The following SIPA1L3 variants were observed in gnomAD, a reference collection of about 807,000 sequenced individuals.
SIPA1L3 encodes the protein signal induced proliferation associated 1 like 3.
A neutral mutation model predicts 150.1 loss-of-function variants in SIPA1L3; 59 were observed. That is an observed-to-expected ratio of 0.39 (90% CI 0.32 to 0.49). The LOEUF (loss-of-function observed/expected upper bound fraction) is 0.49, where lower values mean the gene tolerates loss of function less well. SIPA1L3 is among the 20% of genes least tolerant of loss of function. The pLI is 0.86. For synonymous variants in SIPA1L3, 1,070 were observed against 1,077.6 expected, an observed-to-expected ratio of 0.99 and a Z score of 0.14; for missense variants, 2,211 against 2,489.5, an observed-to-expected ratio of 0.89 and a Z score of 2.38.
intron 1 of SIPA1L3, among the ~76,000 whole-genome samples, chr19:37,948,789 A>G (rs2046735921): frequency 6.6e-6 from 1 of 152,108 alleles, no homozygotes; most frequent in Admixed American, 6.5e-5. Context: ...GAGGGAGGCT[A>G]CTGTTTTATT....
chr19:38,040,236 C>T (rs186389225), intron 2 of SIPA1L3, among the ~76,000 whole-genome samples: 6 of 152,298 alleles, frequency 3.9e-5, no homozygotes, highest in Admixed American at 6.5e-5. Context: ...GTCATCTACA[C>T]GTATTTCCAG....
chr19:38,203,224 G>A (rs766889487), intron 20 of SIPA1L3, among the ~76,000 whole-genome samples: 1 of 152,210 alleles, frequency 6.6e-6, no homozygotes, highest in Non-Finnish European at 1.5e-5. Flanking sequence ...CTGAGGGGCA[G>A]GAGCAGCATG....
At position 38,162,317 on chromosome 19, in the gene SIPA1L3, G is replaced by T; in HGVS notation, c.3726G>T (p.Lys1242Asn). Reference sequence around the variant, plus strand: ...CCATAGCCGGAAGCAGCGGGAACAAGCACCCGTCCAGGCAGGATGCAGCAG... The same window carrying T: ...CCATAGCCGGAAGCAGCGGGAACAATCACCCGTCCAGGCAGGATGCAGCAG... ...LSAIAGSSGN[K>N]HPSRQDAAGK... Residue 1242 changes from lysine (K) to asparagine (N), a missense_variant, in exon 14 of 22, where the codon AAG becomes AAT. Around this residue, in one of 5 missense-constraint regions of SIPA1L3, gnomAD observed 806 missense variants for 870.1 expected, o/e 0.93. Coordinates refer to ENST00000222345, the MANE Select transcript of SIPA1L3 (RefSeq NM_015073.3). The T allele has an allele frequency of 6.2e-7, 1 of 1,614,244 alleles. No individual in the cohort carries two copies. The highest frequency in any genetic ancestry group is 1.1e-5 in the South Asian group (1 of 91,092).
In SIPA1L3 at chr19:38,196,768, G is replaced by A. The variant is rs112158345; in HGVS notation, c.4841-1621G>A. The stretch of plus-strand genomic sequence containing the variant: ...AGGCCGAGGGGGGAGCCAGGAGGCC[G>A]AGGGGGGAGCAAGGAGGCTGAGGGA... On this transcript the variant is annotated intron_variant, in intron 18 of 21. Transcript: ENST00000222345. Among the ~76,000 whole-genome samples the A allele has an allele frequency of 4.6e-4, 69 of 150,688 alleles. 1 individual carries two copies. In the East Asian group the frequency reaches 0.01, roughly 22 times the overall value.
chr19:37,914,735 G>C (rs945794224), intron 1 of SIPA1L3, among the ~76,000 whole-genome samples: 6 of 152,104 alleles, frequency 3.9e-5, no homozygotes, highest in East Asian at 3.9e-4. Context: ...GAACTTCTGG[G>C]CTCAGGTGAT....
At chr19:38,160,649 G>T (rs985554001) in intron 13 of SIPA1L3, among the ~76,000 whole-genome samples, 2 of 146,430 alleles carry the variant, frequency 1.4e-5, no homozygotes, top group Non-Finnish European at 3.0e-5. Context: ...TGCTCTGCCC[G>T]CCTCGGCCTC....
At chr19:38,113,627 A>C (rs959741181) in intron 8 of SIPA1L3, among the ~76,000 whole-genome samples, 22 of 151,938 alleles carry the variant, frequency 1.4e-4, no homozygotes, top group African/African-American at 4.8e-4. Context: ...ACCAAAAAAA[A>C]CGGAAAAACA....
At chr19:38,166,771 CT>C (rs1259791793) in intron 15 of SIPA1L3, among the ~76,000 whole-genome samples, 1 of 152,106 alleles carries the variant, frequency 6.6e-6, no homozygotes, top group Non-Finnish European at 1.5e-5. Context: ...GGCTCAGAAC[CT>C]GGTTGGCGCA....
At chr19:38,121,492 G>A (rs184686128) in intron 9 of SIPA1L3, among the ~76,000 whole-genome samples, 152 of 148,836 alleles carry the variant, frequency 1.0e-3, no homozygotes, top group African/African-American at 3.7e-3. Flanking sequence ...TGTAATCCCA[G>A]CACTTTGGGA....
intron 15 of SIPA1L3, among the ~76,000 whole-genome samples, chr19:38,167,970 C>A (rs78514904): frequency 0.019 from 2,881 of 152,236 alleles, 62 homozygotes; most frequent in East Asian, 0.082. Flanking sequence ...TTTGCTCGGT[C>A]CCAGACACTG....
chr19:38,197,878 C>T (rs1972997049), intron 18 of SIPA1L3, among the ~76,000 whole-genome samples: 1 of 149,180 alleles, frequency 6.7e-6, no homozygotes, highest in Non-Finnish European at 1.5e-5. Context: ...CCAAATCCCC[C>T]CCCAAACACA....
chr19:37,917,484 C>A lies in SIPA1L3; in HGVS notation c.-379+10126C>A, dbSNP rs142065343. 1.1e-4 allele frequency among the ~76,000 whole-genome samples: 17 copies of A among 152,258 alleles called. No individual in the cohort carries two copies. In the East Asian group the frequency reaches 3.3e-3, roughly 29 times the overall value. On this transcript the variant is annotated intron_variant, in intron 1 of 21. Coordinates refer to ENST00000222345, the MANE Select transcript of SIPA1L3 (RefSeq NM_015073.3). ...AGTGTTGGTGGGTGTTGCCTGTGTT[C>A]GGAGGTGCCAGGGACTACAGTTATT...
intron 1 of SIPA1L3, among the ~76,000 whole-genome samples, chr19:37,950,147 TG>T (rs2046750398): frequency 6.6e-6 from 1 of 151,020 alleles, no homozygotes; most frequent in Non-Finnish European, 1.5e-5. Flanking sequence ...ACTTGCTAGC[TG>T]TGTGACCTTG....
At chr19:38,112,268 GCACATATGCACA>G (rs1458674383) in intron 8 of SIPA1L3, among the ~76,000 whole-genome samples, 4 of 150,578 alleles carry the variant, frequency 2.7e-5, no homozygotes, top group African/African-American at 9.8e-5. Flanking sequence ...ACAAGCACAT[GCACATATGCACA>G]CACATATGCA....
intron 2 of SIPA1L3, among the ~76,000 whole-genome samples, chr19:38,053,526 A>T (rs1969246596): frequency 6.6e-6 from 1 of 151,574 alleles, no homozygotes; most frequent in Non-Finnish European, 1.5e-5. Context: ...ATATTAACTC[A>T]TTTAATCTTC....
intron 15 of SIPA1L3, among the ~76,000 whole-genome samples, chr19:38,168,259 C>T (rs1184381768): frequency 6.6e-6 from 1 of 151,846 alleles, no homozygotes; most frequent in East Asian, 1.9e-4. Flanking sequence ...TGGTGGTGGG[C>T]GCCTGTAATC....
At chr19:37,960,872 A>AT (rs1004076457) in intron 1 of SIPA1L3, among the ~76,000 whole-genome samples, 4 of 148,480 alleles carry the variant, frequency 2.7e-5, no homozygotes, top group South Asian at 2.1e-4. Context: ...AAAAAAATAT[A>AT]TTTTTTTTTG....
At position 38,110,281 on chromosome 19, in the gene SIPA1L3, C is replaced by A. The variant is rs777055489; in HGVS notation, c.2188C>A (p.Pro730Thr). ...NDIVTIIFQE[P>T]GALPFTPKNI... ...CATCGTGACGATCATCTTCCAGGAG[C>A]CTGGCGCGCTACCGTTCACCCCCAA... is the stretch of plus-strand genomic sequence containing the variant. Residue 730 changes from proline to threonine, a missense_variant, in exon 8 of 22, where the codon CCT becomes ACT. Coordinates refer to ENST00000222345, the MANE Select transcript of SIPA1L3 (RefSeq NM_015073.3). The A allele has an allele frequency of 6.2e-7, 1 of 1,614,158 alleles. No individual in the cohort carries two copies. The highest frequency in any genetic ancestry group is 2.2e-5 in the East Asian group (1 of 44,884).
At chr19:38,034,186 A>C (rs1389827017) in intron 2 of SIPA1L3, among the ~76,000 whole-genome samples, 1 of 152,222 alleles carries the variant, frequency 6.6e-6, no homozygotes, top group East Asian at 1.9e-4. Flanking sequence ...CTGAGGAGGA[A>C]GCCAGAGAAA....
Sources: allele counts gnomAD v4.1 joint callset (sites outside exome capture counted in the v4.1 genomes callset), GRCh38; gene constraint gnomAD v4.1.1; regional missense constraint gnomAD v4.1.1; transcripts MANE v1.5; gene names NCBI Gene and HGNC (gene_info 2026-07-23, HGNC 2026-07-21).